Variants in NAA60 observed in about 807,000 individuals in gnomAD.
The protein encoded by NAA60 is N-alpha-acetyltransferase 60.
In NAA60, 8 loss-of-function variants were observed where a neutral mutation model predicts 26.1. The observed-to-expected ratio is 0.31, with a 90% confidence interval of 0.18 to 0.55. The LOEUF is 0.55. Among genes scored for constraint, NAA60 ranks in the 20% least tolerant of loss-of-function variants. The probability of loss-of-function intolerance (pLI) is 0.93; values close to 1 mark genes in which losing one functional copy is unlikely to be tolerated. For missense variants in NAA60, 290 were observed against 311.3 expected (o/e 0.93, Z 0.51); for synonymous variants, 131 against 122.5 (o/e 1.07, Z -0.46).
At position 3,448,140 on chromosome 16, in the gene NAA60, C is replaced by T. The variant is rs933841685; in HGVS notation, c.-76-331C>T. ...GGATGGGTTGGAGGCTGGGCGTGGT[C>T]ACTCACACCTATAATTCCAGCTACT... On this transcript the variant is annotated intron_variant, in intron 1 of 7. Transcript: ENST00000407558. Among the ~76,000 whole-genome samples, 4 of 151,980 alleles carry T rather than the reference C, an allele frequency of 2.6e-5. 1 individual carries two copies. The highest frequency in any genetic ancestry group is 5.9e-5 in the Non-Finnish European group (4 of 67,992).
At chr16:3,448,863 A>G (rs978393640) in intron 2 of NAA60, 16 of 248,494 alleles carry the variant, frequency 6.4e-5, no homozygotes, top group African/African-American at 1.1e-4. Context: ...CACACTGACA[A>G]TGTTAGTGGA....
intron 2 of NAA60, among the ~76,000 whole-genome samples, chr16:3,469,786 G>T (rs1397086513): frequency 2.0e-5 from 3 of 152,256 alleles, no homozygotes. Flanking sequence ...AAGGTTCTAG[G>T]TGGGCACATG....
intron 2 of NAA60, chr16:3,457,956 G>C (rs1313626663): frequency 2.0e-6 from 2 of 984,370 alleles, no homozygotes; most frequent in Non-Finnish European, 2.4e-6. Flanking sequence ...GCCGGCCTCA[G>C]GGGGCGGGGC....
intron 2 of NAA60, chr16:3,462,592 A>G (rs2035481142): frequency 6.6e-6 from 1 of 152,156 alleles, no homozygotes; most frequent in Non-Finnish European, 1.5e-5. Context: ...TGATGTATAC[A>G]CACAGAAAAG....
At chr16:3,447,099 C>A (rs1300169725) in intron 1 of NAA60, among the ~76,000 whole-genome samples, 6 of 152,242 alleles carry the variant, frequency 3.9e-5, no homozygotes, top group Non-Finnish European at 7.3e-5. Context: ...CCTTGGCCTC[C>A]CAAAGTGCTG....
At chr16:3,474,488 A>G (rs1027279147) in intron 2 of NAA60, among the ~76,000 whole-genome samples, 1 of 152,256 alleles carries the variant, frequency 6.6e-6, no homozygotes, top group Non-Finnish European at 1.5e-5. Flanking sequence ...GAGAGACCAG[A>G]TTCAGCGTCT....
rs773192495 is a variant in NAA60, at chr16:3,443,736, TAG to T, written c.-175_-174del. 148 of 1,492,712 alleles carry T rather than the reference TAG, an allele frequency of 9.9e-5. No individual in the cohort carries two copies. Among genetic ancestry groups the T allele is most frequent in the Middle Eastern group, 1.7e-4 (1 of 5,826 alleles). 92.5% of individuals were successfully genotyped at this position (1,492,712 alleles called of 1,614,324 possible). A position where few individuals can be genotyped will look rare whatever the true frequency, so the allele number is the denominator to read the frequency against. ...CTCCGGGCCTGTTTGCCTGCTGAAG[TAG>T]AGTCTTAGGGTGACCCCAGGGGGAC... On this transcript the variant is annotated 5_prime_UTR_variant, in exon 1 of 8. Transcript: ENST00000407558.
intron 4 of NAA60, 104 bp from the exon 5 acceptor site, chr16:3,482,398 C>A: frequency 1.1e-6 from 1 of 910,196 alleles, no homozygotes; most frequent in Non-Finnish European, 1.7e-6. Flanking sequence ...CGGTGTCCCT[C>A]TGGCTGTCGT....
chr16:3,466,407 C>T (rs1050321543), intron 2 of NAA60, among the ~76,000 whole-genome samples: 2 of 152,200 alleles, frequency 1.3e-5, no homozygotes, highest in Non-Finnish European at 2.9e-5. Context: ...GAGGAGATGG[C>T]TTGCTCTCAC....
chr16:3,449,336 G>A (rs1467629860), intron 2 of NAA60, among the ~76,000 whole-genome samples: 1 of 152,068 alleles, frequency 6.6e-6, no homozygotes, highest in East Asian at 1.9e-4. Flanking sequence ...GGCTAACACG[G>A]TGAAACCCCA....
intron 1 of NAA60, among the ~76,000 whole-genome samples, chr16:3,444,361 G>C (rs1164708694): frequency 6.6e-6 from 1 of 152,114 alleles, no homozygotes; most frequent in African/African-American, 2.4e-5. Flanking sequence ...ACAGCTCAGA[G>C]TGCCTCTCTG....
At chr16:3,482,968 A>T (rs1171494476) in intron 5 of NAA60, 8 of 471,478 alleles carry the variant, frequency 1.7e-5, no homozygotes, top group Non-Finnish European at 3.1e-5. Flanking sequence ...CGAGGAAGCA[A>T]CACTCACCGT....
chr16:3,463,269 C>T (rs936128145), intron 2 of NAA60, among the ~76,000 whole-genome samples: 12 of 151,764 alleles, frequency 7.9e-5, no homozygotes, highest in South Asian at 2.1e-4. Context: ...AAGCTGAGGC[C>T]GGGCCCGGTG....
At chr16:3,462,028 A>G (rs897282524) in intron 2 of NAA60, among the ~76,000 whole-genome samples, 1 of 143,804 alleles carries the variant, frequency 7.0e-6, no homozygotes, top group African/African-American at 2.6e-5. Flanking sequence ...TGGAGGTTGC[A>G]GTAAGTTGAG....
In NAA60 at chr16:3,458,983, A is replaced by G. The variant is rs369683885; in HGVS notation, c.-7+10443A>G. On this transcript the variant is annotated intron_variant, in intron 2 of 7. Coordinates refer to ENST00000407558, the MANE Select transcript of NAA60 (RefSeq NM_001083601.3). ...GGACCCAGGGTCTGGACATCAGGCA[A>G]GGGGTACTCTGCAGTAAACGTGGAC... is the stretch of plus-strand genomic sequence containing the variant. 7.2e-4 allele frequency among the ~76,000 whole-genome samples: 110 copies of G among 152,294 alleles called. 1 individual carries two copies. The South Asian group carries it at 0.022, about 30-fold the overall frequency.
intron 2 of NAA60, among the ~76,000 whole-genome samples, chr16:3,465,138 G>A (rs1043103640): frequency 2.6e-5 from 4 of 152,028 alleles, no homozygotes; most frequent in Non-Finnish European, 4.4e-5. Flanking sequence ...GTGGTGGCGG[G>A]CGCCTGTAGC....
intron 5 of NAA60, chr16:3,482,838 A>G: frequency 1.8e-6 from 1 of 570,036 alleles, no homozygotes; most frequent in Non-Finnish European, 3.2e-6. Flanking sequence ...TTTCTGCTGC[A>G]GCCTCGCTCA....
intron 3 of NAA60, 148 bp downstream of exon 3, chr16:3,476,485 C>T (rs946773657): frequency 1.6e-6 from 1 of 637,894 alleles, no homozygotes; most frequent in South Asian, 2.0e-5. Context: ...CCAGGTTACC[C>T]ACCTCATCTA....
chr16:3,451,386 C>G (rs915112841), intron 2 of NAA60, among the ~76,000 whole-genome samples: 3 of 152,102 alleles, frequency 2.0e-5, no homozygotes, highest in Non-Finnish European at 2.9e-5. Context: ...CCAATGTATC[C>G]TTTTGTTTTG....
Sources: gnomAD v4.1 joint callset for allele counts (sites outside exome capture counted in the v4.1 genomes callset) on GRCh38, gnomAD v4.1.1 for gene constraint, MANE v1.5 for transcripts, NCBI Gene and HGNC (gene_info 2026-07-23, HGNC 2026-07-21) for gene names.